The following S100PBP variants were observed in gnomAD, a reference collection of about 807,000 sequenced individuals.
S100PBP encodes the protein S100P binding protein.
Under a neutral mutation model 39.9 loss-of-function variants are expected in S100PBP, and 15 were observed. The observed-to-expected ratio is 0.38, with a 90% confidence interval of 0.25 to 0.58. The LOEUF is 0.58. S100PBP is among the 20% of genes least tolerant of loss of function. S100PBP has a pLI of 0.70. For synonymous variants in S100PBP, 178 were observed against 180.3 expected (o/e 0.99, Z 0.10); for missense variants, 504 against 487.3 (o/e 1.03, Z -0.32).
intron 6 of S100PBP, 21 bp from the exon 7 acceptor site, chr1:32,855,903 G>A: frequency 6.4e-7 from 1 of 1,568,390 alleles, no homozygotes; most frequent in Non-Finnish European, 8.8e-7. Flanking sequence ...CTTCCTGTTT[G>A]TACTCTCCCT....
intron 4 of S100PBP, among the ~76,000 whole-genome samples, chr1:32,828,290 GCCT>G (rs1053449458): frequency 6.6e-6 from 1 of 151,908 alleles, no homozygotes; most frequent in African/African-American, 2.4e-5. Context: ...GGCTAATGAT[GCCT>G]CCTCTGCTGC....
intron 6 of S100PBP, among the ~76,000 whole-genome samples, chr1:32,853,850 G>A (rs1437795217): frequency 6.6e-6 from 1 of 152,128 alleles, no homozygotes; most frequent in Non-Finnish European, 1.5e-5. Context: ...CAATGATTGT[G>A]CCACTGCACT....
chr1:32,824,534 T>C (rs995485219), intron 1 of S100PBP, among the ~76,000 whole-genome samples: 20 of 151,780 alleles, frequency 1.3e-4, no homozygotes, highest in African/African-American at 4.4e-4. Context: ...TCCCTGCGAG[T>C]TATAATAGTC....
At chr1:32,844,801 A>G (rs544758123) in intron 5 of S100PBP, among the ~76,000 whole-genome samples, 1 of 151,678 alleles carries the variant, frequency 6.6e-6, no homozygotes, top group East Asian at 1.9e-4. Context: ...ATAGATCTAT[A>G]GAGAGATATA....
intron 5 of S100PBP, among the ~76,000 whole-genome samples, chr1:32,850,896 G>A (rs1640580130): frequency 6.6e-6 from 1 of 152,204 alleles, no homozygotes; most frequent in African/African-American, 2.4e-5. Flanking sequence ...AAATTTCACA[G>A]GATTTGCAGA....
At chr1:32,825,202 A>T (rs974854227) in intron 1 of S100PBP, 111 bp from the exon 2 acceptor site, 1 of 152,236 alleles carries the variant, frequency 6.6e-6, no homozygotes, top group Non-Finnish European at 1.5e-5. Context: ...TACAAAAAAA[A>T]TCAAGATTAA....
chr1:32,831,357 G>A (rs1224351717), intron 5 of S100PBP, among the ~76,000 whole-genome samples: 1 of 151,686 alleles, frequency 6.6e-6, no homozygotes, highest in Non-Finnish European at 1.5e-5. Context: ...AGATGGGGAA[G>A]GAGGATGCCC....
chr1:32,840,497 C>T (rs926536200), intron 5 of S100PBP, among the ~76,000 whole-genome samples: 7 of 151,428 alleles, frequency 4.6e-5, no homozygotes, highest in Non-Finnish European at 7.4e-5. Flanking sequence ...GCTGGGATTA[C>T]AGGCACCCGC....
Position 32,826,322 on chromosome 1 carries a change from G to A in S100PBP, c.223G>A (p.Glu75Lys), listed in dbSNP as rs772696025. The A allele has an allele frequency of 3.1e-6, 5 of 1,614,090 alleles. No homozygotes were observed. Among genetic ancestry groups the A allele is most frequent in the Non-Finnish European group, 4.2e-6 (5 of 1,179,978 alleles). The change falls in exon 3 of 7, where the codon GAA becomes AAA. Residue 75 changes from glutamate (E) to lysine (K), a missense_variant. Transcript: ENST00000373475. ...DDPSYEQSSGEDDGGHVEKGE... is the reference protein window; with the variant it reads ...DDPSYEQSSGKDDGGHVEKGE... ...CCCATCATATGAGCAGTCTTCTGGG[G>A]AAGATGATGGTGGGCATGTTGAGAA...
At chr1:32,816,998 T>C, upstream of S100PBP, 2 of 716,678 alleles carry the variant, frequency 2.8e-6, no homozygotes, top group East Asian at 5.3e-5. Flanking sequence ...CCCACTGTGA[T>C]TTCTGGGGAA....
At chr1:32,828,723 G>A (rs1473498334) in intron 4 of S100PBP, among the ~76,000 whole-genome samples, 2 of 151,962 alleles carry the variant, frequency 1.3e-5, no homozygotes, top group South Asian at 2.1e-4. Flanking sequence ...TAATTAGGCC[G>A]GGCGCGGTGG....
chr1:32,850,762 G>A (rs529077705), intron 5 of S100PBP, among the ~76,000 whole-genome samples: 1 of 152,220 alleles, frequency 6.6e-6, no homozygotes, highest in East Asian at 1.9e-4. Context: ...TTTAACAGTA[G>A]AGAAACTTTT....
Position 32,828,052 on chromosome 1 carries a change from A to G in S100PBP, c.891A>G (p.Lys297=). The change falls in exon 4 of 7, where the codon AAA becomes AAG. Residue 297 remains lysine (K), a synonymous_variant. Coordinates refer to ENST00000373475, the MANE Select transcript of S100PBP (RefSeq NM_022753.4). The stretch of plus-strand genomic sequence containing the variant: ...AAGGCCATGAGAGAAGACTAGGCAA[A>G]GTCATTCCTGTTCTACAAACTAAGA... ...KMKGHERRLG[K]VIPVLQTKTR... is the part of the protein sequence containing the mutation. 5 of 1,608,514 alleles carry G rather than the reference A, an allele frequency of 3.1e-6. No homozygotes were observed. Among genetic ancestry groups the G allele is most frequent in the Non-Finnish European group, 4.3e-6 (5 of 1,175,220 alleles).
chr1:32,850,150 A>G (rs1640551981), intron 5 of S100PBP, among the ~76,000 whole-genome samples: 1 of 152,160 alleles, frequency 6.6e-6, no homozygotes, highest in Non-Finnish European at 1.5e-5. Flanking sequence ...TTTAGTTTCC[A>G]TTGCCAGATT....
At chr1:32,832,999 A>G (rs1470133492) in intron 5 of S100PBP, among the ~76,000 whole-genome samples, 2 of 151,872 alleles carry the variant, frequency 1.3e-5, no homozygotes, top group Admixed American at 1.3e-4. Flanking sequence ...TTTTTTTATA[A>G]TAACACTTAA....
At chr1:32,817,641 G>T, upstream of S100PBP, 1 of 286,366 alleles carries the variant, frequency 3.5e-6, no homozygotes, top group Non-Finnish European at 6.9e-6. Flanking sequence ...GGCGCAGGGG[G>T]CGGAGTGAGG....
At chr1:32,817,616 A>AG (rs1638796467), upstream of S100PBP, 2 of 332,550 alleles carry the variant, frequency 6.0e-6, no homozygotes, top group East Asian at 5.5e-5. Flanking sequence ...GAGGTCGGGG[A>AG]GGGGGCGATA....
At chr1:32,840,987 C>T (rs976600355) in intron 5 of S100PBP, among the ~76,000 whole-genome samples, 1 of 151,516 alleles carries the variant, frequency 6.6e-6, no homozygotes, top group Non-Finnish European at 1.5e-5. Context: ...GGTGAAACCC[C>T]GTCTCTACTA....
chr1:32,858,286 C>T lies in S100PBP; in HGVS notation c.*2248C>T, dbSNP rs1253667440. On this transcript the variant is annotated 3_prime_UTR_variant, in exon 7 of 7. Transcript: ENST00000373475. ...TGCCTTTGCCAAATCAAATGAGTGA[C>T]AGGTTAACTAGAAAATGTGACAATC... 1 of 152,598 alleles carries T rather than the reference C, an allele frequency of 6.6e-6. No homozygotes were observed. Among genetic ancestry groups the T allele is most frequent in the East Asian group, 1.9e-4 (1 of 5,204 alleles). The allele number at this position is 152,598 out of a possible 1,614,324, so 9.5% of individuals were successfully genotyped here.
Sources: allele counts gnomAD v4.1 joint callset (sites outside exome capture counted in the v4.1 genomes callset), GRCh38; gene constraint gnomAD v4.1.1; transcripts MANE v1.5; gene names NCBI Gene and HGNC (gene_info 2026-07-23, HGNC 2026-07-21).